Variants in RFWD3 observed in about 807,000 individuals in gnomAD.
The protein encoded by RFWD3 is E3 ubiquitin-protein ligase RFWD3.
Under a neutral mutation model 87.7 loss-of-function variants are expected in RFWD3, and 65 were observed. The ratio of observed to expected loss-of-function variants is 0.74; its 90% CI spans 0.61 to 0.91. The LOEUF is 0.91. Among genes scored for constraint, RFWD3 ranks in the 40% least tolerant of loss-of-function variants. The pLI is 0.00. For synonymous variants in RFWD3, 433 were observed against 352.8 expected (o/e 1.23, Z -2.55); for missense variants, 1,078 against 938.5 (o/e 1.15, Z -1.94).
chr16:74,624,237 A>G (rs567415563), intron 12 of RFWD3, among the ~76,000 whole-genome samples, 166 bp from the exon 13 acceptor site: 1 of 152,334 alleles, frequency 6.6e-6, no homozygotes, highest in South Asian at 2.1e-4. Flanking sequence ...AGCACACCTG[A>G]CATAGTTCAG....
At chr16:74,644,141 G>T in intron 6 of RFWD3, 1 of 593,102 alleles carries the variant, frequency 1.7e-6, no homozygotes, top group Non-Finnish European at 3.0e-6. Context: ...AGATCCTTGT[G>T]TTTAATGCTC....
chr16:74,660,806 A>C (rs1383452616), intron 2 of RFWD3, 126 bp downstream of exon 2: 8 of 998,916 alleles, frequency 8.0e-6, no homozygotes, highest in Non-Finnish European at 1.0e-5. Context: ...TCCACCTATG[A>C]GGAACTGGGG....
intron 6 of RFWD3, among the ~76,000 whole-genome samples, chr16:74,638,560 C>T (rs1387946655): frequency 1.3e-5 from 2 of 152,084 alleles, no homozygotes; most frequent in Non-Finnish European, 2.9e-5. Flanking sequence ...CAGAATTCCA[C>T]TCCAGTAAGA....
At chr16:74,653,439 T>C (rs1175051668) in intron 2 of RFWD3, among the ~76,000 whole-genome samples, 1 of 151,098 alleles carries the variant, frequency 6.6e-6, no homozygotes, top group Non-Finnish European at 1.5e-5. Context: ...GAGCGAGCTA[T>C]GGTTGTGCTA....
At chr16:74,643,438 A>G (rs1959826394) in intron 6 of RFWD3, among the ~76,000 whole-genome samples, 2 of 152,186 alleles carry the variant, frequency 1.3e-5, no homozygotes, top group Admixed American at 1.3e-4. Context: ...TGCTAAATGA[A>G]GTTTCATTAA....
chr16:74,660,756 T>C (rs1961361649), intron 2 of RFWD3, 176 bp downstream of exon 2: 2 of 641,830 alleles, frequency 3.1e-6, no homozygotes, highest in East Asian at 2.7e-5. Flanking sequence ...GTTTAACTTA[T>C]CCCTTCATTA....
At chr16:74,640,303 G>A (rs534562782) in intron 6 of RFWD3, among the ~76,000 whole-genome samples, 11 of 151,844 alleles carry the variant, frequency 7.2e-5, no homozygotes, top group Admixed American at 3.9e-4. Flanking sequence ...GTGCCACCAC[G>A]CCCAGCTAAT....
intron 2 of RFWD3, chr16:74,660,679 A>T (rs1470196532): frequency 2.4e-6 from 1 of 414,046 alleles, no homozygotes; most frequent in Non-Finnish European, 4.3e-6. Context: ...ACAAGACACA[A>T]TCTGAACAAC....
At chr16:74,629,133 A>T (rs947258367) in intron 10 of RFWD3, among the ~76,000 whole-genome samples, 4 of 152,180 alleles carry the variant, frequency 2.6e-5, no homozygotes, top group Admixed American at 2.0e-4. Flanking sequence ...GGTTTTCTAA[A>T]TTTCCTTCTG....
intron 1 of RFWD3, chr16:74,666,199 TAGA>T (rs1409765551): frequency 2.7e-5 from 4 of 148,614 alleles, no homozygotes; most frequent in Non-Finnish European, 4.4e-5. Context: ...GATAGATAGA[TAGA>T]TAGATAGATA....
In RFWD3 at chr16:74,660,974, C is replaced by T. The variant is rs763676630; in HGVS notation, c.476G>A (p.Arg159Gln). The stretch of plus-strand genomic sequence containing the variant: ...CTGAGACCCTCCGGCTCTTGCCCTC[C>T]GTGAAGCAGATACCCTCCTTCTTGT... ...MRTRRRVSAS[R>Q]RARAGGSQRT... The change falls in exon 2 of 13, where the codon CGG becomes CAG. Residue 159 changes from arginine (R) to glutamine (Q), a missense_variant. Coordinates refer to ENST00000361070, the MANE Select transcript of RFWD3 (RefSeq NM_018124.4). 5 of 1,614,042 alleles carry T rather than the reference C, an allele frequency of 3.1e-6. No individual in the cohort carries two copies. The highest frequency in any genetic ancestry group is 2.7e-5 in the African/African-American group (2 of 74,906).
At chr16:74,632,013 A>G (rs918340103) in intron 9 of RFWD3, among the ~76,000 whole-genome samples, 9 of 152,076 alleles carry the variant, frequency 5.9e-5, no homozygotes, top group Admixed American at 5.9e-4. Flanking sequence ...GGAAACATAC[A>G]GTTTTGTAAC....
chr16:74,640,815 T>C (rs1959575126), intron 6 of RFWD3, among the ~76,000 whole-genome samples: 1 of 151,958 alleles, frequency 6.6e-6, no homozygotes, highest in African/African-American at 2.4e-5. Flanking sequence ...GGCGGGTGCC[T>C]GTAGTCTCAG....
In RFWD3 at chr16:74,628,464, T is replaced by A. The variant is rs757226708; in HGVS notation, c.1957A>T (p.Thr653Ser). ...TENSSRHCLVTYRPDKNHTTI... is the reference protein window; with the variant it reads ...TENSSRHCLVSYRPDKNHTTI... Reference sequence around the variant, plus strand: ...CAGCACTACTTACCAGGCCTGTAGGTCACAAGACAGTGCCGGGAGCTGTTC... The same window carrying A: ...CAGCACTACTTACCAGGCCTGTAGGACACAAGACAGTGCCGGGAGCTGTTC... Residue 653 changes from threonine (T) to serine (S), a missense_variant, in exon 11 of 13, where the codon ACC (threonine) becomes TCC (serine). Transcript: ENST00000361070. The A allele has an allele frequency of 6.2e-7, 1 of 1,614,072 alleles. No homozygotes were observed. Among genetic ancestry groups the A allele is most frequent in the South Asian group, 1.1e-5 (1 of 91,080 alleles).
chr16:74,663,863 G>C (rs1961663739), intron 1 of RFWD3, among the ~76,000 whole-genome samples: 1 of 152,164 alleles, frequency 6.6e-6, no homozygotes, highest in Non-Finnish European at 1.5e-5. Flanking sequence ...TAAAAACCAG[G>C]TACCACAAAA....
chr16:74,656,700 T>A (rs1249686562), intron 2 of RFWD3, among the ~76,000 whole-genome samples: 1 of 152,156 alleles, frequency 6.6e-6, no homozygotes, highest in Non-Finnish European at 1.5e-5. Context: ...TCAGGCAATC[T>A]GCCTGCTTCA....
intron 2 of RFWD3, 28 bp downstream of exon 2, chr16:74,660,904 T>A: frequency 6.3e-7 from 1 of 1,589,156 alleles, no homozygotes; most frequent in Non-Finnish European, 8.6e-7. Context: ...ACAGCAATGA[T>A]CACAGACTTA....
intron 4 of RFWD3, among the ~76,000 whole-genome samples, chr16:74,648,773 T>A (rs1291582973): frequency 6.7e-6 from 1 of 149,656 alleles, no homozygotes; most frequent in African/African-American, 2.5e-5. Context: ...AGACTCCGTC[T>A]CAAAAAAAAA....
chr16:74,652,815 G>A (rs1462207312), intron 2 of RFWD3, among the ~76,000 whole-genome samples: 1 of 152,148 alleles, frequency 6.6e-6, no homozygotes, highest in Non-Finnish European at 1.5e-5. Flanking sequence ...TTGAGCTGAG[G>A]AGTTTGAGGC....
Sources: allele counts gnomAD v4.1 joint callset (sites outside exome capture counted in the v4.1 genomes callset), GRCh38; gene constraint gnomAD v4.1.1; transcripts MANE v1.5; gene names NCBI Gene and HGNC (gene_info 2026-07-23, HGNC 2026-07-21).